The following TTN variants were observed in gnomAD, a reference collection of about 807,000 sequenced individuals.
TTN encodes titin, also known as connectin.
In TTN, 1,525 loss-of-function variants were observed where a neutral mutation model predicts 3,223.0. The observed-to-expected ratio is 0.47, with a 90% confidence interval of 0.45 to 0.49. The LOEUF (loss-of-function observed/expected upper bound fraction) is 0.49. Ranked by LOEUF, TTN falls within the 20% of genes least tolerant of loss-of-function variation. The pLI is 0.00. For missense variants in TTN, 40,786 were observed against 43,424.0 expected, an observed-to-expected ratio of 0.94 and a Z score of 5.40; for synonymous variants, 14,094 against 15,161.0, an observed-to-expected ratio of 0.93 and a Z score of 5.17.
rs2091002766 is a variant in TTN at position 178,768,922 on chromosome 2, T to A, written c.8914A>T (p.Thr2972Ser). 6.2e-7 allele frequency: 1 copy of A among 1,613,718 alleles called. No individual in the cohort carries two copies. The highest frequency in any genetic ancestry group is 1.3e-5 in the African/African-American group (1 of 74,924). Residue 2972 changes from threonine to serine, a missense_variant, in exon 38 of 363, where the codon ACT becomes TCT. Physicochemically the swap from Thr to Ser is moderately conservative, Grantham distance 58. Coordinates refer to ENST00000589042, the MANE Select transcript of TTN (RefSeq NM_001267550.2). ...ATLTVTPIMI[T>S]SMLKDINAEE... The stretch of plus-strand genomic sequence containing the variant: ...GCGTTGATGTCTTTCAGCATGGAAG[T>A]AATCATGATTGCTGCAAAGGAGAAA...
rs1321813584 is a variant in TTN, at chr2:178,569,925, T to A, written c.76207A>T (p.Ile25403Phe). Residue 25403 changes from isoleucine to phenylalanine, a missense_variant, in exon 326 of 363, where the codon ATT becomes TTT. Ile to Phe is a conservative substitution (Grantham distance 21). Coordinates refer to ENST00000589042, the MANE Select transcript of TTN (RefSeq NM_001267550.2). ...TTGTTTGGGGGTCCTGGTTTATAAA[T>A]AGGATCACAAGCCTTTTGGTAAGCA... is the stretch of plus-strand genomic sequence containing the variant. ...PSAYQKACDP[I>F]YKPGPPNNPK... The A allele has an allele frequency of 2.5e-6, 4 of 1,613,036 alleles. No homozygotes were observed. Among genetic ancestry groups the A allele is most frequent in the Non-Finnish European group, 3.4e-6 (4 of 1,179,494 alleles).
chr2:178,769,012 A>C (rs1386494133), intron 37 of TTN, 79 bp from the exon 38 acceptor site: 1 of 1,549,414 alleles, frequency 6.5e-7, no homozygotes, highest in East Asian at 2.3e-5. Context: ...CAGAATAAAA[A>C]TTTGGAATGT....
At chr2:178,679,529 C>A in intron 141 of TTN, 70 bp downstream of exon 141, 1 of 1,587,866 alleles carries the variant, frequency 6.3e-7, no homozygotes, top group Non-Finnish European at 8.6e-7. Flanking sequence ...AGGTTTTGAA[C>A]TCAGAAGAAA....
rs767755200 is a variant in TTN, at chr2:178,579,020, A to G, written c.68010T>C (p.Asp22670=). 6 of 1,613,096 alleles carry G rather than the reference A, an allele frequency of 3.7e-6. No homozygotes were observed. Among genetic ancestry groups the G allele is most frequent in the Non-Finnish European group, 3.4e-6 (4 of 1,179,504 alleles). ...AMTLKWAPPK[D]DGGSEITNYI... ...AGTTGGTGATTTCAGAACCTCCATC[A>G]TCCTTTGGAGGAGCCCACTTTAAGG... The change falls in exon 320 of 363, where the codon GAT becomes GAC. Residue 22670 remains aspartate (D), a synonymous_variant. Transcript: ENST00000589042.
In TTN at chr2:178,776,449, T is replaced by C. The variant is rs943308158; in HGVS notation, c.5415A>G (p.Gln1805=). 3 of 1,608,884 alleles carry C rather than the reference T, an allele frequency of 1.9e-6. No individual in the cohort carries two copies. Among genetic ancestry groups the C allele is most frequent in the South Asian group, 1.1e-5 (1 of 91,080 alleles). ...KDEKSLVEES[Q]LPEGRKGLQR... is the part of the protein sequence containing the mutation. Reference sequence around the variant, plus strand: ...GTAAGCCTTTCCTCCCCTCAGGCAATTGGGATTCTTCCACAAGACTTTTCT... The same window carrying C: ...GTAAGCCTTTCCTCCCCTCAGGCAACTGGGATTCTTCCACAAGACTTTTCT... Residue 1805 remains glutamine, a synonymous_variant, in exon 28 of 363, where the codon CAA becomes CAG. Coordinates refer to ENST00000589042, the MANE Select transcript of TTN (RefSeq NM_001267550.2).
Position 178,782,942 on chromosome 2 carries a change from G to A in TTN, c.2964C>T (p.Asp988=), listed in dbSNP as rs2154350075. 1 of 1,614,154 alleles carries A rather than the reference G, an allele frequency of 6.2e-7. No individual in the cohort carries two copies. Among genetic ancestry groups the A allele is most frequent in the Non-Finnish European group, 8.5e-7 (1 of 1,180,006 alleles). ...REDYQIESSI[D]FQITFQSGIA... is the part of the protein sequence containing the mutation. Reference sequence around the variant, plus strand: ...TTCCACTCTGGAAGGTTATCTGGAAGTCAATGGAACTTTCGATTTGGTAGT... The same window carrying A: ...TTCCACTCTGGAAGGTTATCTGGAAATCAATGGAACTTTCGATTTGGTAGT... Residue 988 remains aspartate (D), a synonymous_variant, in exon 18 of 363, where the codon GAC becomes GAT. Coordinates refer to ENST00000589042, the MANE Select transcript of TTN (RefSeq NM_001267550.2).
rs199910114 is a variant in TTN at position 178,777,254 on chromosome 2, C to G, written c.4709G>C (p.Gly1570Ala). Residue 1570 changes from glycine to alanine, a missense_variant, in exon 27 of 363, where the codon GGT becomes GCT. By Grantham distance (60) the Gly-to-Ala change is moderately conservative (BLOSUM62 0). Transcript: ENST00000589042. ...TCTGACTTTCATTTCAAGTCGGGAA[C>G]CTTCCTTTATATTGACATTTTTCAG... ...EKLKNVNIKE[G>A]SRLEMKVRAT... 38 of 1,614,050 alleles carry G rather than the reference C, an allele frequency of 2.4e-5. No individual in the cohort carries two copies. In the African/African-American group the frequency reaches 3.9e-4, roughly 16 times the overall value.
At position 178,534,921 on chromosome 2, in the gene TTN, A is replaced by C. The variant is rs1690759843; in HGVS notation, c.101694T>G (p.Leu33898=). 1 of 1,611,000 alleles carries C rather than the reference A, an allele frequency of 6.2e-7. No homozygotes were observed. Among genetic ancestry groups the C allele is most frequent in the Non-Finnish European group, 8.5e-7 (1 of 1,179,810 alleles). Reference sequence around the variant, plus strand: ...TTGTGTTAATGCGCTCAAATATGTCAAGTCCTGATATAAACTCAAAGATCA... The same window carrying C: ...TTGTGTTAATGCGCTCAAATATGTCCAGTCCTGATATAAACTCAAAGATCA... ...LVMIFEFISG[L]DIFERINTSA... The change falls in exon 358 of 363, where the codon CTT becomes CTG. Residue 33898 remains leucine (L), a synonymous_variant. Transcript: ENST00000589042.
chr2:178,547,759 G>A lies in TTN; in HGVS notation c.93867C>T (p.Thr31289=), dbSNP rs1332390943. The A allele has an allele frequency of 1.2e-6, 2 of 1,613,830 alleles. No homozygotes were observed. The highest frequency in any genetic ancestry group is 1.7e-6 in the Non-Finnish European group (2 of 1,179,834). ...TTTTAACACCAGCTGTATTTTCCAG[G>A]GTCAAGAAGTATCTTCCAGAGTCAC... ...MRGDSGRYFL[T]LENTAGVKTF... Residue 31289 remains threonine, a synonymous_variant, in exon 339 of 363, where the codon ACC becomes ACT. Coordinates refer to ENST00000589042, the MANE Select transcript of TTN (RefSeq NM_001267550.2).
chr2:178,732,598 T>C lies in TTN; in HGVS notation c.16463A>G (p.Lys5488Arg). The C allele has an allele frequency of 6.2e-7, 1 of 1,613,664 alleles. No homozygotes were observed. Among genetic ancestry groups the C allele is most frequent in the East Asian group, 2.2e-5 (1 of 44,810 alleles). ...PLTIRWFKGN[K>R]ELVSGGSCYI... is the part of the protein sequence containing the mutation. ...GCAGCTTCCACCAGAAACCAGCTCT[T>C]TGTTGCCCTTAAACCATCTGATTGT... Residue 5488 changes from lysine (K) to arginine (R), a missense_variant, in exon 56 of 363, where the codon AAA (lysine) becomes AGA (arginine). By Grantham distance (26) the Lys-to-Arg change is conservative (BLOSUM62 2). Coordinates refer to ENST00000589042, the MANE Select transcript of TTN (RefSeq NM_001267550.2).
chr2:178,748,878 T>G (rs1284615914), intron 47 of TTN: 3 of 1,612,508 alleles, frequency 1.9e-6, no homozygotes, highest in Non-Finnish European at 2.5e-6. Context: ...ATATTTGCAT[T>G]TAGATTGCTT....
intron 242 of TTN, among the ~76,000 whole-genome samples, chr2:178,623,685 G>A (rs1441400511): frequency 6.6e-6 from 1 of 151,886 alleles, no homozygotes; most frequent in African/African-American, 2.4e-5. Context: ...ATGAAGCACA[G>A]AGTCACTAGG....
chr2:178,681,514 C>A (rs1203682787), intron 136 of TTN, 64 bp from the exon 137 acceptor site: 1 of 1,511,538 alleles, frequency 6.6e-7, no homozygotes, highest in African/African-American at 1.4e-5. Context: ...CTAGCAAGAA[C>A]AAAAAGTTAA....
intron 235 of TTN, 28 bp from the exon 236 acceptor site, chr2:178,632,441 T>A (rs2059920286): frequency 6.3e-7 from 1 of 1,576,836 alleles, no homozygotes; most frequent in African/African-American, 1.4e-5. Flanking sequence ...AAAGAACTTA[T>A]TAATTGAAGC....
Position 178,731,762 on chromosome 2 carries a change from C to T in TTN, c.17113G>A (p.Gly5705Ser). 1.9e-6 allele frequency: 3 copies of T among 1,613,782 alleles called. No homozygotes were observed. The highest frequency in any genetic ancestry group is 1.7e-4 in the Middle Eastern group (1 of 6,056). The change falls in exon 58 of 363, where the codon GGC (glycine) becomes AGC (serine). Residue 5705 changes from glycine (G) to serine (S), a missense_variant. Physicochemically the swap from Gly to Ser is moderately conservative, Grantham distance 56. Coordinates refer to ENST00000589042, the MANE Select transcript of TTN (RefSeq NM_001267550.2). ...QILKFVAADAGEYQCRVTNEV... is the reference protein window; with the variant it reads ...QILKFVAADASEYQCRVTNEV... ...TTGGTCACCCGACACTGGTATTCGCCAGCATCTGCAGCTACAAACTTGAGG... is the reference window on the plus strand; with the variant it reads ...TTGGTCACCCGACACTGGTATTCGCTAGCATCTGCAGCTACAAACTTGAGG...
In TTN at chr2:178,640,577, TA is replaced by T; in HGVS notation, c.40686del (p.Thr13563GlnfsTer35). The T allele has an allele frequency of 6.2e-7, 1 of 1,601,394 alleles. No individual in the cohort carries two copies. Among genetic ancestry groups the T allele is most frequent in the Non-Finnish European group, 8.5e-7 (1 of 1,175,218 alleles). On this transcript the variant is annotated frameshift_variant, in exon 221 of 363. Coordinates refer to ENST00000589042, the MANE Select transcript of TTN (RefSeq NM_001267550.2). LOFTEE classifies it high-confidence loss of function. ...KPVEEVEVPT[V>X]TKRERKIPEP... ...TCAGGAATCTTCCTTTCCCTTTTTG[TA>T]ACAGTAGGTACTTCAACCTCTTCAA...
intron 218 of TTN, 34 bp from the exon 219 acceptor site, chr2:178,642,351 A>G: frequency 6.5e-7 from 1 of 1,535,100 alleles, no homozygotes; most frequent in Non-Finnish European, 8.8e-7. Context: ...TTTGAAGTGA[A>G]TTTATATAAA....
In TTN at chr2:178,572,433, A is replaced by G; in HGVS notation, c.73699T>C (p.Ser24567Pro). 1.9e-6 allele frequency: 3 copies of G among 1,612,692 alleles called. No homozygotes were observed. The South Asian group carries it at 3.3e-5, about 18-fold the overall frequency. ...EKRESTRKAY[S>P]TVATNCHKTS... ...TTGTGGCAGTTTGTTGCAACAGTTG[A>G]ATATGCTTTTCTTGTTGATTCCCGC... The change falls in exon 326 of 363, where the codon TCA becomes CCA. Residue 24567 changes from serine (S) to proline (P), a missense_variant. Physicochemically the swap from Ser to Pro is moderately conservative, Grantham distance 74. Coordinates refer to ENST00000589042, the MANE Select transcript of TTN (RefSeq NM_001267550.2).
chr2:178,618,390 T>C lies in TTN; in HGVS notation c.47068A>G (p.Ile15690Val). 2 of 1,612,472 alleles carry C rather than the reference T, an allele frequency of 1.2e-6. No individual in the cohort carries two copies. Among genetic ancestry groups the C allele is most frequent in the Non-Finnish European group, 1.7e-6 (2 of 1,179,094 alleles). Residue 15690 changes from isoleucine to valine, a missense_variant, in exon 252 of 363, where the codon ATA (isoleucine) becomes GTA (valine). Transcript: ENST00000589042. ...TCACGTCTTTCAACAACGTAACCTA[T>C]GATTTTGCTTCCACCATCAGTTAAA... Reference protein sequence around the residue: ...EPLTDGGSKIIGYVVERRDIK... With the variant: ...EPLTDGGSKIVGYVVERRDIK...
Sources: gnomAD v4.1 joint callset for allele counts (sites outside exome capture counted in the v4.1 genomes callset) on GRCh38, gnomAD v4.1.1 for gene constraint, MANE v1.5 for transcripts, NCBI Gene and HGNC (gene_info 2026-07-23, HGNC 2026-07-21) for gene names.